Variants in FGF13 observed in about 807,000 individuals in gnomAD.
FGF13 encodes fibroblast growth factor homologous factor 2.
FGF13 carries 2 observed loss-of-function variants against 19.5 expected under a neutral mutation model. The ratio of observed to expected loss-of-function variants is 0.10; its 90% confidence interval spans 0.04 to 0.32. The LOEUF is 0.32. Ranked by LOEUF, FGF13 falls within the 10% of genes least tolerant of loss-of-function variation. The pLI is 1.00. For synonymous variants in FGF13, 72 were observed against 76.9 expected (o/e 0.94, Z 0.33); for missense variants, 113 against 192.7 (o/e 0.59, Z 2.45).
chrX:138,656,195 T>C (rs890569765), intron 3 of FGF13, among the ~76,000 whole-genome samples: 1 of 111,715 alleles, frequency 9.0e-6, no homozygotes, highest in Non-Finnish European at 1.9e-5. Context: ...CACATGGTGC[T>C]TTAATCAGAG....
chrX:138,813,292 T>C (rs1404821021), intron 3 of FGF13, among the ~76,000 whole-genome samples: 1 of 111,537 alleles, frequency 9.0e-6, no homozygotes, highest in African/African-American at 3.3e-5. Flanking sequence ...TCCACTATCA[T>C]TGCGGAGTCT....
chrX:138,708,387 A>C (rs921404679), intron 2 of FGF13, among the ~76,000 whole-genome samples: 3 of 111,833 alleles, frequency 2.7e-5, no homozygotes, highest in African/African-American at 9.8e-5. Flanking sequence ...GTGTGTGTGG[A>C]GCAGGGAGCA....
At chrX:138,722,750 C>A (rs750662102) in intron 1 of FGF13, among the ~76,000 whole-genome samples, 1 of 111,205 alleles carries the variant, frequency 9.0e-6, no homozygotes, top group South Asian at 3.8e-4. Flanking sequence ...TCTTTTCCAG[C>A]ACAAACAAAA....
chrX:138,710,568 G>C (rs1369460524), intron 1 of FGF13, among the ~76,000 whole-genome samples: 4 of 112,317 alleles, frequency 3.6e-5, no homozygotes, highest in African/African-American at 1.3e-4. Context: ...CCGAAGCTGA[G>C]GGCAAGCCAC....
chrX:138,801,538 C>T (rs1239560487), intron 3 of FGF13, among the ~76,000 whole-genome samples: 1 of 111,842 alleles, frequency 8.9e-6, no homozygotes, highest in Non-Finnish European at 1.9e-5. Flanking sequence ...TGGGAGGTGT[C>T]TCCCAGTCAG....
intron 3 of FGF13, among the ~76,000 whole-genome samples, chrX:138,793,425 G>C (rs2090756378): frequency 9.0e-6 from 1 of 111,302 alleles, no homozygotes; most frequent in African/African-American, 3.3e-5. Flanking sequence ...CAGATTCCAG[G>C]ATGGTCAGCA....
intron 1 of FGF13, among the ~76,000 whole-genome samples, chrX:138,956,242 A>G (rs2091840786): frequency 8.9e-6 from 1 of 111,776 alleles, no homozygotes; most frequent in Non-Finnish European, 1.9e-5. Flanking sequence ...TATGATGTAT[A>G]TTTGAATAAA....
intron 1 of FGF13, among the ~76,000 whole-genome samples, chrX:139,012,010 A>T (rs2092130582): frequency 8.9e-6 from 1 of 111,754 alleles, no homozygotes; most frequent in Admixed American, 9.5e-5. Context: ...ATACAAAATT[A>T]ATGTACACAA....
intron 3 of FGF13, among the ~76,000 whole-genome samples, chrX:138,781,235 C>T (rs2090639235): frequency 9.2e-6 from 1 of 108,885 alleles, no homozygotes; most frequent in Non-Finnish European, 1.9e-5. Flanking sequence ...AAATTGACAC[C>T]CTAACATCAC....
At chrX:138,994,707 A>T (rs754242029) in intron 1 of FGF13, among the ~76,000 whole-genome samples, 134 of 111,110 alleles carry the variant, frequency 1.2e-3, no homozygotes, top group Non-Finnish European at 1.5e-3. Context: ...TTTATATTTA[A>T]TCAGAGTATG....
intron 1 of FGF13, among the ~76,000 whole-genome samples, chrX:139,088,901 G>C (rs2083421947): frequency 1.8e-5 from 2 of 112,013 alleles, no homozygotes; most frequent in African/African-American, 6.5e-5. Context: ...AGGCCACAGA[G>C]AACTCCCTCA....
At chrX:138,782,896 C>G (rs1229988317) in intron 3 of FGF13, among the ~76,000 whole-genome samples, 1 of 79,924 alleles carries the variant, frequency 1.3e-5, no homozygotes, top group East Asian at 4.1e-4. Context: ...AGGCATCACA[C>G]TACCTGACTT....
chrX:138,729,444 C>T (rs1343979276), intron 1 of FGF13, among the ~76,000 whole-genome samples: 1 of 110,137 alleles, frequency 9.1e-6, no homozygotes, highest in African/African-American at 3.3e-5. Context: ...GACTTGGATA[C>T]ATTTGAAAAC....
At chrX:138,754,492 C>A (rs1321214589) in intron 3 of FGF13, among the ~76,000 whole-genome samples, 1 of 110,880 alleles carries the variant, frequency 9.0e-6, no homozygotes, top group African/African-American at 3.3e-5. Flanking sequence ...TCTTTTGCTG[C>A]TGCCATTGGG....
At chrX:138,892,865 A>T (rs2091484630) in intron 1 of FGF13, among the ~76,000 whole-genome samples, 1 of 107,814 alleles carries the variant, frequency 9.3e-6, no homozygotes, top group Admixed American at 1.0e-4. Flanking sequence ...GTCTCCTCTA[A>T]GGTTTAAAGT....
At chrX:139,059,231 A>AG (rs2092328572) in intron 1 of FGF13, among the ~76,000 whole-genome samples, 1 of 108,383 alleles carries the variant, frequency 9.2e-6, no homozygotes, top group Admixed American at 9.9e-5. Flanking sequence ...AAAGAGAGAG[A>AG]AAAAAAAACA....
chrX:138,678,943 G>A (rs1178827384), intron 3 of FGF13, among the ~76,000 whole-genome samples: 1 of 112,221 alleles, frequency 8.9e-6, no homozygotes, highest in African/African-American at 3.2e-5. Flanking sequence ...AAAACTTTTG[G>A]CGCATAGAAG....
chrX:138,966,835 G>C (rs1441878614), intron 1 of FGF13, among the ~76,000 whole-genome samples: 1 of 111,354 alleles, frequency 9.0e-6, no homozygotes, highest in African/African-American at 3.3e-5. Context: ...TGTCAAGGGA[G>C]GGACAAAGTG....
chrX:138,696,086 A>G (rs2124220837), intron 3 of FGF13, among the ~76,000 whole-genome samples: 1 of 111,952 alleles, frequency 8.9e-6, no homozygotes, highest in African/African-American at 3.2e-5. Context: ...TGGGGGAAAC[A>G]ATCCAAATGT....
Sources: gnomAD v4.1 joint callset for allele counts (sites outside exome capture counted in the v4.1 genomes callset) on GRCh38, gnomAD v4.1.1 for gene constraint, MANE v1.5 for transcripts, NCBI Gene and HGNC (gene_info 2026-07-23, HGNC 2026-07-21) for gene names.